The following TAOK3 variants were observed in gnomAD, a reference collection of about 807,000 sequenced individuals.
TAOK3 encodes the protein serine/threonine-protein kinase TAO3.
In TAOK3, 40 loss-of-function variants were observed where a neutral mutation model predicts 120.4. That is an observed-to-expected ratio of 0.33 (90% CI 0.26 to 0.43). The LOEUF is 0.43. Among genes scored for constraint, TAOK3 ranks in the 20% least tolerant of loss-of-function variants. The pLI is 1.00. For missense variants in TAOK3, 821 were observed against 1,112.1 expected, an observed-to-expected ratio of 0.74 and a Z score of 3.72; for synonymous variants, 355 against 387.5, an observed-to-expected ratio of 0.92 and a Z score of 0.99.
intron 9 of TAOK3, among the ~76,000 whole-genome samples, chr12:118,218,158 C>T (rs551291019): frequency 3.9e-5 from 6 of 151,952 alleles, no homozygotes; most frequent in Admixed American, 1.3e-4. Flanking sequence ...ATACTTTATA[C>T]TTACCAAACA....
At chr12:118,247,200 T>C (rs2040553584) in intron 3 of TAOK3, among the ~76,000 whole-genome samples, 1 of 152,190 alleles carries the variant, frequency 6.6e-6, no homozygotes. Context: ...TACTTGCTAT[T>C]GTATTGAACA....
chr12:118,361,390 AC>A lies in TAOK3; in HGVS notation c.-194+11257del, dbSNP rs1420849625. ...AAGGCTGCTCCAAGAAAAATGTAAA[AC>A]CCCGAGAGTAGAATTTGCAGATGAA... On this transcript the variant is annotated intron_variant, in intron 1 of 20. Transcript: ENST00000392533. Among the ~76,000 whole-genome samples the A allele has an allele frequency of 4.6e-5, 7 of 151,806 alleles. No individual in the cohort carries two copies. The East Asian group carries it at 1.4e-3, about 29-fold the overall frequency.
chr12:118,369,347 T>C (rs1286051684), intron 1 of TAOK3, among the ~76,000 whole-genome samples: 2 of 152,232 alleles, frequency 1.3e-5, no homozygotes, highest in Non-Finnish European at 2.9e-5. Flanking sequence ...GAAGTTATTA[T>C]AGGCCTTTAC....
chr12:118,178,183 C>T (rs1228736427), intron 15 of TAOK3, among the ~76,000 whole-genome samples: 1 of 152,162 alleles, frequency 6.6e-6, no homozygotes, highest in Non-Finnish European at 1.5e-5. Context: ...AATGCTTGGC[C>T]TCAAGCTATC....
intron 17 of TAOK3, among the ~76,000 whole-genome samples, chr12:118,164,702 G>C (rs1822032450): frequency 6.6e-6 from 1 of 152,158 alleles, no homozygotes; most frequent in African/African-American, 2.4e-5. Context: ...ACAGGCGTGA[G>C]CCACCATGCC....
chr12:118,286,063 G>A (rs1381967999), intron 1 of TAOK3, among the ~76,000 whole-genome samples: 1 of 152,164 alleles, frequency 6.6e-6, no homozygotes, highest in Non-Finnish European at 1.5e-5. Context: ...GGGTGACCCT[G>A]AATAGAATGG....
chr12:118,194,898 G>A (rs2037630942), intron 13 of TAOK3, among the ~76,000 whole-genome samples: 1 of 151,994 alleles, frequency 6.6e-6, no homozygotes, highest in Non-Finnish European at 1.5e-5. Context: ...ACAGGCGCGT[G>A]CCACCACGCC....
intron 17 of TAOK3, among the ~76,000 whole-genome samples, chr12:118,171,379 A>G (rs1450542472): frequency 6.6e-6 from 1 of 152,062 alleles, no homozygotes; most frequent in African/African-American, 2.4e-5. Context: ...TTTGTTTGAG[A>G]TAAGTCTCAC....
chr12:118,201,136 A>G lies in TAOK3; in HGVS notation c.987+160T>C, dbSNP rs114480723. The G allele has an allele frequency of 3.0e-3, 1,942 of 658,144 alleles. 36 individuals carry two copies. In the African/African-American group the frequency reaches 0.031, roughly 11 times the overall value. 40.8% of individuals were successfully genotyped at this position (658,144 alleles called of 1,614,324 possible). A position where few individuals can be genotyped will look rare whatever the true frequency, so the allele number is the denominator to read the frequency against. On this transcript the variant is annotated intron_variant, in intron 12 of 20. Transcript: ENST00000392533. ...CACTTTTCATATTTTGCCTTATATA[A>G]GTGTTATTTTATGAATGTCTCTTGT... is the stretch of plus-strand genomic sequence containing the variant.
intron 1 of TAOK3, among the ~76,000 whole-genome samples, chr12:118,368,343 C>A (rs1288437434): frequency 6.6e-6 from 1 of 151,988 alleles, no homozygotes; most frequent in African/African-American, 2.4e-5. Context: ...ATTACAGGCG[C>A]CTGCCACCAC....
intron 5 of TAOK3, among the ~76,000 whole-genome samples, chr12:118,241,102 CTT>C (rs912761390): frequency 1.3e-5 from 2 of 149,732 alleles, no homozygotes; most frequent in African/African-American, 4.9e-5. Flanking sequence ...ATGATTATGT[CTT>C]ATATTTTATA....
At chr12:118,177,435 G>T in intron 15 of TAOK3, 106 bp from the exon 16 acceptor site, 1 of 712,528 alleles carries the variant, frequency 1.4e-6, no homozygotes, top group Non-Finnish European at 2.1e-6. Flanking sequence ...CTAATAATGA[G>T]ACATTTTTGA....
chr12:118,202,814 C>G (rs1209025745), intron 11 of TAOK3, among the ~76,000 whole-genome samples: 1 of 129,040 alleles, frequency 7.7e-6, no homozygotes, highest in Non-Finnish European at 1.6e-5. Context: ...GAGTCTCGCT[C>G]TCTCACCCAA....
At chr12:118,174,577 A>T (rs1256032615) in intron 16 of TAOK3, among the ~76,000 whole-genome samples, 2 of 152,198 alleles carry the variant, frequency 1.3e-5, no homozygotes, top group Admixed American at 1.3e-4. Context: ...CAAAAACTCA[A>T]AATGGTGGCC....
intron 1 of TAOK3, among the ~76,000 whole-genome samples, chr12:118,289,296 C>CAAAAAAAAAA (rs59297201): frequency 3.7e-4 from 29 of 78,608 alleles, no homozygotes; most frequent in South Asian, 5.0e-4. Flanking sequence ...AAGACTGTCT[C>CAAAAAAAAAA]AAAAAAAAAA....
intron 6 of TAOK3, 26 bp from the exon 7 acceptor site, chr12:118,238,195 A>T (rs371193722): frequency 2.9e-4 from 406 of 1,395,110 alleles, no homozygotes; most frequent in Non-Finnish European, 3.9e-4. Context: ...AAAAAAAGTC[A>T]GTAGATGATC....
chr12:118,246,183 C>T (rs908758766), intron 3 of TAOK3: 8 of 1,399,804 alleles, frequency 5.7e-6, no homozygotes, highest in South Asian at 2.5e-5. Flanking sequence ...CAGTGGCATC[C>T]GGGGCCGGGG....
At position 118,150,383 on chromosome 12, in the gene TAOK3, C is replaced by G. The variant is rs1219160038; in HGVS notation, c.*614G>C. The G allele has an allele frequency of 6.6e-6, 1 of 152,014 alleles. No homozygotes were observed. The highest frequency in any genetic ancestry group is 1.5e-5 in the Non-Finnish European group (1 of 67,926). 9.4% of individuals were successfully genotyped at this position (152,014 alleles called of 1,614,324 possible). On this transcript the variant is annotated 3_prime_UTR_variant, in exon 21 of 21. Coordinates refer to ENST00000392533, the MANE Select transcript of TAOK3 (RefSeq NM_016281.4). ...CAAGATCTCTTCACCCCACCCACCCCCCGTCCCCAAAAAAGTAATAATATG... is the reference window on the plus strand; with the variant it reads ...CAAGATCTCTTCACCCCACCCACCCGCCGTCCCCAAAAAAGTAATAATATG...
chr12:118,338,786 C>CAAA (rs71069438), intron 1 of TAOK3, among the ~76,000 whole-genome samples: 17 of 49,852 alleles, frequency 3.4e-4, no homozygotes, highest in African/African-American at 4.7e-4. Context: ...GACTCCGTCT[C>CAAA]AAAAAAAAAA....
Sources: gnomAD v4.1 joint callset for allele counts (sites outside exome capture counted in the v4.1 genomes callset) on GRCh38, gnomAD v4.1.1 for gene constraint, MANE v1.5 for transcripts, NCBI Gene and HGNC (gene_info 2026-07-23, HGNC 2026-07-21) for gene names.